CAPN2: variants seen among roughly 807,000 people sequenced by gnomAD.
CAPN2 encodes calpain 2, also known as calpain-2 catalytic subunit.
CAPN2 carries 92 observed loss-of-function variants against 102.3 expected under a neutral mutation model. That is an observed-to-expected ratio of 0.90 (90% CI 0.76 to 1.07). The LOEUF (loss-of-function observed/expected upper bound fraction) is 1.07. Among genes scored for constraint, CAPN2 ranks in the 50% least tolerant of loss-of-function variants. The pLI is 0.00. For synonymous variants in CAPN2, 340 were observed against 355.4 expected (o/e 0.96, Z 0.49); for missense variants, 800 against 909.4 (o/e 0.88, Z 1.55).
At chr1:223,763,237 G>A (rs1250169882) in intron 14 of CAPN2, among the ~76,000 whole-genome samples, 1 of 150,690 alleles carries the variant, frequency 6.6e-6, no homozygotes, top group African/African-American at 2.4e-5. Context: ...TCTTCACTAT[G>A]TGGAGGAACT....
chr1:223,755,801 GGA>G lies in CAPN2; in HGVS notation c.1305+154_1305+155del. On this transcript the variant is annotated intron_variant, in intron 10 of 20. Transcript: ENST00000295006. This position sits in a 1 kb window ranked among gnomAD's most constrained non-coding sequence, Gnocchi z 4.1. Reference sequence around the variant, plus strand: ...AAAACTACCAGCCTGGCCAGGCTCAGGAGTAGCCCCCGTAGGGAGGCCCCTGC... The same window carrying G: ...AAAACTACCAGCCTGGCCAGGCTCAGGTAGCCCCCGTAGGGAGGCCCCTGC... The G allele has an allele frequency of 1.3e-6, 1 of 790,840 alleles. No individual in the cohort carries two copies. Among genetic ancestry groups the G allele is most frequent in the Non-Finnish European group, 1.9e-6 (1 of 517,020 alleles). 49.0% of individuals were successfully genotyped at this position (790,840 alleles called of 1,614,324 possible).
intron 20 of CAPN2, 102 bp from the exon 21 acceptor site, chr1:223,774,732 G>A (rs962666463): frequency 3.1e-5 from 31 of 1,005,970 alleles, no homozygotes; most frequent in Middle Eastern, 2.1e-4. Flanking sequence ...CCCTCAATCA[G>A]CTTTTCCAGT....
intron 5 of CAPN2, 124 bp downstream of exon 5, chr1:223,747,289 G>A: frequency 1.0e-6 from 1 of 952,750 alleles, no homozygotes; most frequent in Non-Finnish European, 1.5e-6. Context: ...CCACGTAGGG[G>A]CCAAAGGAAA....
intron 1 of CAPN2, among the ~76,000 whole-genome samples, chr1:223,702,794 G>A (rs569342940): frequency 7.2e-5 from 11 of 152,186 alleles, no homozygotes; most frequent in African/African-American, 2.6e-4. Context: ...GGTAGATTTT[G>A]AGGCAAAAAA....
At chr1:223,763,355 G>A (rs1023243016) in intron 14 of CAPN2, among the ~76,000 whole-genome samples, 2 of 152,116 alleles carry the variant, frequency 1.3e-5, no homozygotes, top group Admixed American at 6.5e-5. Context: ...CTCACCCTCT[G>A]CTCCCTCCCA....
In CAPN2 at chr1:223,763,205, A is replaced by G. The variant is rs535476600; in HGVS notation, c.1633-945A>G. Among the ~76,000 whole-genome samples the G allele has an allele frequency of 5.5e-3, 776 of 141,440 alleles. 5 individuals carry two copies. The highest frequency in any genetic ancestry group is 0.032 in the Middle Eastern group (9 of 282). 92.8% of individuals were successfully genotyped at this position (141,440 alleles called of 152,430 possible). On this transcript the variant is annotated intron_variant, in intron 14 of 20. Transcript: ENST00000295006. ...GCCCTCTTTCTTCCCAACAACTCCA[A>G]AAAAAAAAAAAAAGTCCTCTTTCTT...
intron 6 of CAPN2, among the ~76,000 whole-genome samples, chr1:223,749,730 T>C (rs1434080612): frequency 6.6e-6 from 1 of 152,178 alleles, no homozygotes; most frequent in Non-Finnish European, 1.5e-5. Context: ...TTGAAAATAT[T>C]ATGGGCTGAC....
At chr1:223,749,376 AC>A (rs944162609) in intron 6 of CAPN2, 2 of 579,298 alleles carry the variant, frequency 3.5e-6, no homozygotes, top group African/African-American at 3.8e-5. Context: ...TTTAGATGTT[AC>A]CCTGTTTTAC....
rs549405629 is a variant in CAPN2 at position 223,747,166 on chromosome 1, G to A, written c.729+1G>A. Reference sequence around the variant, plus strand: ...CTCTCTCCTTGGCTGCTCCATCGACGTAAGTCCAGGCTGCCTTCCCTAGCC... The same window carrying A: ...CTCTCTCCTTGGCTGCTCCATCGACATAAGTCCAGGCTGCCTTCCCTAGCC... On this transcript the variant is annotated splice_donor_variant, in intron 5 of 20. Transcript: ENST00000295006. LOFTEE classifies it high-confidence loss of function. The A allele has an allele frequency of 2.2e-5, 36 of 1,611,356 alleles. No homozygotes were observed. The highest frequency in any genetic ancestry group is 3.3e-4 in the Middle Eastern group (2 of 6,036).
chr1:223,710,959 T>C (rs1659713995), upstream of CAPN2, among the ~76,000 whole-genome samples: 1 of 152,158 alleles, frequency 6.6e-6, no homozygotes, highest in Non-Finnish European at 1.5e-5. Context: ...GCACATGTCC[T>C]CAGGACTTCC....
intron 10 of CAPN2, among the ~76,000 whole-genome samples, chr1:223,757,139 C>A (rs967452773): frequency 6.6e-6 from 1 of 152,136 alleles, no homozygotes; most frequent in Non-Finnish European, 1.5e-5. Context: ...CATCTCCATG[C>A]CTGAGATTTA....
chr1:223,763,320 G>A (rs938495375), intron 14 of CAPN2, among the ~76,000 whole-genome samples: 15 of 152,006 alleles, frequency 9.9e-5, no homozygotes, highest in Admixed American at 6.6e-4. Context: ...GCCAGGCATC[G>A]TCTGCTCTGC....
chr1:223,772,038 A>C, intron 19 of CAPN2, 113 bp downstream of exon 19: 1 of 1,130,866 alleles, frequency 8.8e-7, no homozygotes, highest in Non-Finnish European at 1.3e-6. Flanking sequence ...GGAGTTGAGA[A>C]TGAAATTCCC....
In CAPN2 at chr1:223,761,242, A is replaced by G. The variant is rs186260275; in HGVS notation, c.1530-339A>G. Among the ~76,000 whole-genome samples, 357 of 152,364 alleles carry G rather than the reference A, an allele frequency of 2.3e-3. 3 individuals are homozygous for G. Among genetic ancestry groups the G allele is most frequent in the African/African-American group, 8.3e-3 (346 of 41,582 alleles). ...TCCTATTTGATAAAGATCAAAAACT[A>G]GCAAACAAAAATCTCCAGCTGCCCA... On this transcript the variant is annotated intron_variant, in intron 12 of 20. Coordinates refer to ENST00000295006, the MANE Select transcript of CAPN2 (RefSeq NM_001748.5).
intron 3 of CAPN2, among the ~76,000 whole-genome samples, chr1:223,744,483 TAAA>T (rs1171801536): frequency 1.3e-5 from 2 of 148,410 alleles, no homozygotes; most frequent in African/African-American, 2.4e-5. Flanking sequence ...TTCCCAAGTT[TAAA>T]AAAAAAAACT....
chr1:223,709,905 ATTAC>A (rs1223603249), upstream of CAPN2, among the ~76,000 whole-genome samples: 3 of 152,200 alleles, frequency 2.0e-5, no homozygotes, highest in Non-Finnish European at 2.9e-5. Flanking sequence ...TACAACTTAG[ATTAC>A]TTACTTAGAG....
chr1:223,710,667 C>T (rs2102769220), upstream of CAPN2, among the ~76,000 whole-genome samples: 1 of 152,324 alleles, frequency 6.6e-6, no homozygotes, highest in Non-Finnish European at 1.5e-5. Context: ...AAAGCTTCAT[C>T]TATGTGATAA....
chr1:223,751,194 C>T (rs1470867989), intron 7 of CAPN2, among the ~76,000 whole-genome samples: 1 of 152,202 alleles, frequency 6.6e-6, no homozygotes, highest in Non-Finnish European at 1.5e-5. Flanking sequence ...AGGCCCCAAG[C>T]TGCTCGTGTG....
At chr1:223,730,298 G>A (rs960890957) in intron 2 of CAPN2, among the ~76,000 whole-genome samples, 2 of 151,024 alleles carry the variant, frequency 1.3e-5, no homozygotes, top group African/African-American at 4.9e-5. Context: ...CTTTGAATGT[G>A]GCCCAACACA....
Sources: gnomAD v4.1 joint callset for allele counts (sites outside exome capture counted in the v4.1 genomes callset) on GRCh38, gnomAD v4.1.1 for gene constraint, Gnocchi (gnomAD v3.1) non-coding constraint, MANE v1.5 for transcripts, NCBI Gene and HGNC (gene_info 2026-07-23, HGNC 2026-07-21) for gene names.